FRMPD3: variants seen among roughly 807,000 people sequenced by gnomAD.
FRMPD3 encodes the protein FERM and PDZ domain containing 3.
In FRMPD3, 42 loss-of-function variants were observed where a neutral mutation model predicts 97.9. The observed-to-expected ratio is 0.43, with a 90% CI of 0.34 to 0.55. FRMPD3 has a LOEUF of 0.55. Ranked by LOEUF, FRMPD3 falls within the 20% of genes least tolerant of loss-of-function variation. The pLI is 0.03. For missense variants in FRMPD3, 1,303 were observed against 1,457.7 expected, an observed-to-expected ratio of 0.89 and a Z score of 1.73; for synonymous variants, 577 against 581.1, an observed-to-expected ratio of 0.99 and a Z score of 0.10.
chrX:107,597,530 ATCT>A lies in FRMPD3; in HGVS notation c.1656_1658del (p.Phe553del), dbSNP rs1222194825. 2 of 1,208,616 alleles carry A rather than the reference ATCT, an allele frequency of 1.7e-6. No individual in the cohort carries two copies. The highest frequency in any genetic ancestry group is 3.0e-5 in the East Asian group (1 of 33,759). Reference sequence around the variant, plus strand: ...CCGGACAGATGTCAACGAGAACCTAATCTTCTTTGAGGAGACCAGGCCCCGAAC... The same window carrying A: ...CCGGACAGATGTCAACGAGAACCTAATCTTTGAGGAGACCAGGCCCCGAAC... On this transcript the variant is annotated inframe_deletion, in exon 14 of 15. Coordinates refer to ENST00000683843, the MANE Select transcript of FRMPD3 (RefSeq NM_001388459.1).
intron 1 of FRMPD3, among the ~76,000 whole-genome samples, chrX:107,483,625 C>G (rs767376150): frequency 8.9e-6 from 1 of 111,849 alleles, no homozygotes; most frequent in Non-Finnish European, 1.9e-5. Flanking sequence ...TTTGGCTCAG[C>G]CACCACATCT....
chrX:107,450,342 G>A (rs1057447594), intron 1 of FRMPD3, among the ~76,000 whole-genome samples: 1 of 111,528 alleles, frequency 9.0e-6, no homozygotes, highest in Non-Finnish European at 1.9e-5. Flanking sequence ...GGGCACAGTT[G>A]GGAGAGCTGG....
At chrX:107,505,547 C>T (rs1479516609) in intron 1 of FRMPD3, among the ~76,000 whole-genome samples, 1 of 112,484 alleles carries the variant, frequency 8.9e-6, no homozygotes, top group Non-Finnish European at 1.9e-5. Flanking sequence ...ACAATAGAGA[C>T]AGACCTTGTC....
In FRMPD3 at chrX:107,597,798, A is replaced by G; in HGVS notation, c.1919A>G (p.Asp640Gly). Residue 640 changes from aspartate (D) to glycine (G), a missense_variant, in exon 14 of 15, where the codon GAT becomes GGT. Coordinates refer to ENST00000683843, the MANE Select transcript of FRMPD3 (RefSeq NM_001388459.1). ...GGCTCCTCTCGTGACAATATAGTAGATTTGATGTCCCTCCCACCACCTGGG... is the reference window on the plus strand; with the variant it reads ...GGCTCCTCTCGTGACAATATAGTAGGTTTGATGTCCCTCCCACCACCTGGG... The part of the protein sequence containing the change: ...KPGSSRDNIV[D>G]LMSLPPPGSE... 1 of 1,181,584 alleles carries G rather than the reference A, an allele frequency of 8.5e-7. No individual in the cohort carries two copies. Among genetic ancestry groups the G allele is most frequent in the Non-Finnish European group, 1.1e-6 (1 of 881,035 alleles).
At chrX:107,513,621 TC>T (rs1922223677) in intron 1 of FRMPD3, among the ~76,000 whole-genome samples, 1 of 112,073 alleles carries the variant, frequency 8.9e-6, no homozygotes, top group South Asian at 3.7e-4. Flanking sequence ...TCTGACTTTG[TC>T]TTTGCACAGA....
In FRMPD3 at chrX:107,564,868, T is replaced by C. The variant is rs1032713684; in HGVS notation, c.1117-19T>C. 2 of 1,209,103 alleles carry C rather than the reference T, an allele frequency of 1.7e-6. No individual in the cohort carries two copies. Among genetic ancestry groups the C allele is most frequent in the Admixed American group, 2.2e-5 (1 of 46,019 alleles). On this transcript the variant is annotated intron_variant, in intron 11 of 14. Transcript: ENST00000683843. ...CACCCTTCCTTCTGTGAACGTTGCC[T>C]GCCATTCTTGGGCACCAGGATGAGA...
chrX:107,469,933 G>C (rs1416795181), intron 1 of FRMPD3, among the ~76,000 whole-genome samples: 1 of 111,923 alleles, frequency 8.9e-6, no homozygotes, highest in Admixed American at 9.5e-5. Context: ...ACATTGCCTA[G>C]GCTTAGGACT....
At chrX:107,494,951 G>A (rs1465754234) in intron 1 of FRMPD3, among the ~76,000 whole-genome samples, 1 of 112,135 alleles carries the variant, frequency 8.9e-6, no homozygotes, top group Non-Finnish European at 1.9e-5. Flanking sequence ...AGGATCAACA[G>A]GCATGCACAT....
chrX:107,539,300 G>A (rs1227476733), intron 4 of FRMPD3, among the ~76,000 whole-genome samples: 2 of 111,958 alleles, frequency 1.8e-5, no homozygotes, highest in Non-Finnish European at 3.8e-5. Context: ...TGCATAGATA[G>A]CCACTTAATA....
intron 4 of FRMPD3, among the ~76,000 whole-genome samples, chrX:107,544,183 TA>T (rs941730176): frequency 1.3e-3 from 150 of 111,291 alleles, no homozygotes; most frequent in African/African-American, 4.7e-3. Context: ...ATGCGGAATC[TA>T]AAAAAGTCAA....
At chrX:107,517,467 G>C (rs1229435508) in intron 1 of FRMPD3, among the ~76,000 whole-genome samples, 2 of 111,976 alleles carry the variant, frequency 1.8e-5, no homozygotes, top group Non-Finnish European at 3.8e-5. Flanking sequence ...GACAGAGAAA[G>C]TGTTGACCAT....
chrX:107,572,017 A>G (rs1453300583), intron 12 of FRMPD3, among the ~76,000 whole-genome samples: 3 of 111,359 alleles, frequency 2.7e-5, no homozygotes, highest in African/African-American at 9.8e-5. Flanking sequence ...TACTTATCAC[A>G]CCTCGCAATC....
intron 1 of FRMPD3, among the ~76,000 whole-genome samples, chrX:107,522,288 T>C (rs982344537): frequency 8.9e-6 from 1 of 112,273 alleles, no homozygotes; most frequent in African/African-American, 3.2e-5. Flanking sequence ...TTGTGTGATA[T>C]GCTTAACCTT....
At chrX:107,517,479 G>C (rs747975993) in intron 1 of FRMPD3, among the ~76,000 whole-genome samples, 2 of 111,974 alleles carry the variant, frequency 1.8e-5, no homozygotes, top group South Asian at 7.4e-4. Context: ...GTTGACCATG[G>C]CCGGGCGTGG....
chrX:107,518,475 C>G (rs972248775), intron 1 of FRMPD3, among the ~76,000 whole-genome samples: 1 of 111,443 alleles, frequency 9.0e-6, no homozygotes, highest in Non-Finnish European at 1.9e-5. Flanking sequence ...GAGGTCTCCT[C>G]GTCACCCTGT....
intron 1 of FRMPD3, among the ~76,000 whole-genome samples, chrX:107,458,956 C>T (rs902404111): frequency 1.1e-4 from 12 of 112,031 alleles, no homozygotes; most frequent in Non-Finnish European, 2.1e-4. Context: ...TTGTTTTTGT[C>T]TCACTCGCTC....
chrX:107,514,019 G>A (rs1922237149), intron 1 of FRMPD3, among the ~76,000 whole-genome samples: 1 of 112,019 alleles, frequency 8.9e-6, no homozygotes, highest in Non-Finnish European at 1.9e-5. Flanking sequence ...TTCTCTGTGA[G>A]GAGGTGATAT....
intron 13 of FRMPD3, among the ~76,000 whole-genome samples, chrX:107,596,591 A>G (rs1924179536): frequency 8.9e-6 from 1 of 112,230 alleles, no homozygotes; most frequent in Admixed American, 9.4e-5. Flanking sequence ...TATGTGTAGC[A>G]GGTAGGGCTG....
chrX:107,533,721 C>A (rs753350862), intron 4 of FRMPD3, among the ~76,000 whole-genome samples, 171 bp downstream of exon 4: 35 of 112,104 alleles, frequency 3.1e-4, no homozygotes, highest in Middle Eastern at 9.2e-3. Context: ...TGTCTCTGCT[C>A]ATGTCCAAAG....
Sources: allele counts gnomAD v4.1 joint callset (sites outside exome capture counted in the v4.1 genomes callset), GRCh38; gene constraint gnomAD v4.1.1; transcripts MANE v1.5; gene names NCBI Gene and HGNC (gene_info 2026-07-23, HGNC 2026-07-21).